Variants in FYCO1 observed in about 807,000 individuals in gnomAD.
FYCO1 encodes FYVE and coiled-coil domain-containing protein 1.
In FYCO1, 122 loss-of-function variants were observed where a neutral mutation model predicts 165.1. The observed-to-expected ratio is 0.74, with a 90% confidence interval of 0.64 to 0.86. FYCO1 has a LOEUF of 0.86. Ranked by LOEUF, FYCO1 falls within the 40% of genes least tolerant of loss-of-function variation. The pLI is 0.00. For synonymous variants in FYCO1, 648 were observed against 742.5 expected, an observed-to-expected ratio of 0.87 and a Z score of 2.07; for missense variants, 1,702 against 1,810.3, an observed-to-expected ratio of 0.94 and a Z score of 1.09.
Position 45,967,106 on chromosome 3 carries a change from A to C in FYCO1, c.2228T>G (p.Leu743Arg), listed in dbSNP as rs1179212976. The C allele has an allele frequency of 6.2e-7, 1 of 1,613,870 alleles. No homozygotes were observed. The change falls in exon 8 of 18, where the codon CTG (leucine) becomes CGG (arginine). Residue 743 changes from leucine (L) to arginine (R), a missense_variant. Coordinates refer to ENST00000296137, the MANE Select transcript of FYCO1 (RefSeq NM_024513.4). ...LESQCQQQTQLIEVLTAEKGQ... is the reference protein window; with the variant it reads ...LESQCQQQTQRIEVLTAEKGQ... ...TTTCTCTGCTGTGAGGACCTCAATC[A>C]GCTGGGTCTGCTGCTGGCACTGGCT...
At chr3:45,989,085 G>C (rs1044069826) in intron 1 of FYCO1, among the ~76,000 whole-genome samples, 3 of 152,176 alleles carry the variant, frequency 2.0e-5, no homozygotes, top group African/African-American at 7.2e-5. Context: ...CATCAGGGGA[G>C]GAGGAGGTTG....
At chr3:45,932,630 G>T (rs1384216986) in intron 15 of FYCO1, among the ~76,000 whole-genome samples, 1 of 152,186 alleles carries the variant, frequency 6.6e-6, no homozygotes, top group Admixed American at 6.5e-5. Flanking sequence ...GCAGCAAGTG[G>T]TGGTGCTGAG....
intron 13 of FYCO1, 79 bp downstream of exon 13, chr3:45,958,329 G>C (rs1418451305): frequency 7.8e-7 from 1 of 1,274,900 alleles, no homozygotes; most frequent in Non-Finnish European, 1.1e-6. Context: ...CAGCTTATTA[G>C]CACTAACTAG....
At position 45,968,699 on chromosome 3, in the gene FYCO1, T is replaced by G. The variant is rs1575373100; in HGVS notation, c.635A>C (p.Gln212Pro). The G allele has an allele frequency of 6.2e-7, 1 of 1,614,164 alleles. No individual in the cohort carries two copies. The highest frequency in any genetic ancestry group is 8.5e-7 in the Non-Finnish European group (1 of 1,180,022). The stretch of plus-strand genomic sequence containing the variant: ...CAGGTCAAAGTTGGACACCATCTCT[T>G]GAGTCTGGGAGGGAAAACACAAAAG... ...SSLVSSYLQT[Q>P]EMVSNFDLNS... The change falls in exon 8 of 18, where the codon CAA (glutamine) becomes CCA (proline). Residue 212 changes from glutamine to proline, a missense_variant. Transcript: ENST00000296137.
rs1372863354 is a variant in FYCO1 at position 45,958,496 on chromosome 3, A to G, written c.3711T>C (p.Pro1237=). 1 of 1,614,144 alleles carries G rather than the reference A, an allele frequency of 6.2e-7. No individual in the cohort carries two copies. The highest frequency in any genetic ancestry group is 8.5e-7 in the Non-Finnish European group (1 of 1,180,036). Reference sequence around the variant, plus strand: ...GGCTAGTGCCTGAGCCACTGCTATCAGGGGAGCCAGGGCCTTCACTGAGCT... The same window carrying G: ...GGCTAGTGCCTGAGCCACTGCTATCGGGGGAGCCAGGGCCTTCACTGAGCT... The part of the protein sequence containing the change: ...FQKLSEGPGS[P]DSSGSGTSQG... The change falls in exon 13 of 18, where the codon CCT becomes CCC. Residue 1237 remains proline, a synonymous_variant. Transcript: ENST00000296137.
rs1383848874 is a variant in FYCO1, at chr3:45,967,979, A to G, written c.1355T>C (p.Met452Thr). ...AGACAACTCCTCCTGGAGTGGGGCCATCTCCTTCACCAGGCGCTCCAGGCT... is the reference window on the plus strand; with the variant it reads ...AGACAACTCCTCCTGGAGTGGGGCCGTCTCCTTCACCAGGCGCTCCAGGCT... Reference protein sequence around the residue: ...RASLERLVKEMAPLQEELSGK... With the variant: ...RASLERLVKETAPLQEELSGK... Residue 452 changes from methionine to threonine, a missense_variant, in exon 8 of 18, where the codon ATG (methionine) becomes ACG (threonine). Transcript: ENST00000296137. 1.9e-6 allele frequency: 3 copies of G among 1,613,974 alleles called. No individual in the cohort carries two copies. In the South Asian group the frequency reaches 3.3e-5, roughly 18 times the overall value.
chr3:45,919,977 T>C lies in FYCO1; in HGVS notation c.*1788A>G, dbSNP rs1703035421. The C allele has an allele frequency of 6.6e-6, 1 of 152,276 alleles. No individual in the cohort carries two copies. The highest frequency in any genetic ancestry group is 1.5e-5 in the Non-Finnish European group (1 of 68,060). 9.4% of individuals were successfully genotyped at this position (152,276 alleles called of 1,614,324 possible). The stretch of plus-strand genomic sequence containing the variant: ...AAGATGATTGAGCACCTGATGGCTT[T>C]CTGCCAGAAGAGGCTGCTCCAAGGA... On this transcript the variant is annotated 3_prime_UTR_variant, in exon 18 of 18. Transcript: ENST00000296137.
Position 45,967,044 on chromosome 3 carries a change from C to T in FYCO1, c.2290G>A (p.Ala764Thr), listed in dbSNP as rs148946276. ...GCTAGCTGGGCAGCCAGCTCACGGG[C>T]TTCATTGTCAGTGGGTGGGCCAACT... is the stretch of plus-strand genomic sequence containing the variant. ...QGVGPPTDNE[A>T]RELAAQLALS... is the part of the protein sequence containing the mutation. Residue 764 changes from alanine to threonine, a missense_variant, in exon 8 of 18, where the codon GCC becomes ACC. Transcript: ENST00000296137. The T allele has an allele frequency of 3.2e-5, 52 of 1,613,472 alleles. No individual in the cohort carries two copies. Among genetic ancestry groups the T allele is most frequent in the Non-Finnish European group, 4.1e-5 (48 of 1,180,046 alleles).
At chr3:45,926,358 T>C (rs1322112384) in intron 16 of FYCO1, among the ~76,000 whole-genome samples, 1 of 152,216 alleles carries the variant, frequency 6.6e-6, no homozygotes, top group Non-Finnish European at 1.5e-5. Context: ...AGAATGCTGG[T>C]TTGACTGTAT....
intron 13 of FYCO1, among the ~76,000 whole-genome samples, chr3:45,957,540 C>G (rs1705412159): frequency 6.6e-6 from 1 of 152,156 alleles, no homozygotes; most frequent in Non-Finnish European, 1.5e-5. Context: ...AGAGAATATA[C>G]AGAGGACTCT....
intron 3 of FYCO1, 110 bp from the exon 4 acceptor site, chr3:45,979,940 G>A: frequency 7.7e-7 from 1 of 1,305,798 alleles, no homozygotes; most frequent in East Asian, 2.3e-5. Context: ...ACTGGGTGAG[G>A]CCCTTTATTG....
At chr3:45,930,607 G>T (rs1703543663) in intron 16 of FYCO1, among the ~76,000 whole-genome samples, 2 of 152,318 alleles carry the variant, frequency 1.3e-5, no homozygotes, top group East Asian at 1.9e-4. Context: ...CTGCCACCAA[G>T]ATTTCAAGCT....
intron 14 of FYCO1, among the ~76,000 whole-genome samples, chr3:45,951,875 A>T (rs948002151): frequency 3.3e-5 from 5 of 152,122 alleles, no homozygotes; most frequent in Non-Finnish European, 1.5e-5. Context: ...TGCCAGGAGG[A>T]GGGGCAAGGC....
intron 5 of FYCO1, among the ~76,000 whole-genome samples, chr3:45,974,201 A>C (rs2125860567): frequency 6.6e-6 from 1 of 152,342 alleles, no homozygotes; most frequent in Non-Finnish European, 1.5e-5. Flanking sequence ...CAACATAGTG[A>C]GACCCTGTCT....
At chr3:45,933,941 T>TA (rs747796455) in intron 15 of FYCO1, among the ~76,000 whole-genome samples, 16 of 151,708 alleles carry the variant, frequency 1.1e-4, no homozygotes, top group African/African-American at 3.4e-4. Flanking sequence ...ACAGAAGATA[T>TA]AAAAAAGTAC....
At chr3:45,960,714 GC>G (rs1705655653) in intron 11 of FYCO1, among the ~76,000 whole-genome samples, 1 of 152,168 alleles carries the variant, frequency 6.6e-6, no homozygotes, top group African/African-American at 2.4e-5. Flanking sequence ...CCATGGTGCT[GC>G]TAACATCACA....
intron 11 of FYCO1, among the ~76,000 whole-genome samples, chr3:45,960,156 G>A (rs1705604091): frequency 6.6e-6 from 1 of 152,202 alleles, no homozygotes; most frequent in Non-Finnish European, 1.5e-5. Context: ...ATGCACTGGA[G>A]GGGGAGGATG....
At chr3:45,923,002 C>T (rs1343078994) in intron 17 of FYCO1, among the ~76,000 whole-genome samples, 1 of 152,204 alleles carries the variant, frequency 6.6e-6, no homozygotes, top group Non-Finnish European at 1.5e-5. Flanking sequence ...TCAGTCAATG[C>T]TGGTCCTGTC....
Position 45,962,641 on chromosome 3 carries a change from A to T in FYCO1, c.3270-249T>A, listed in dbSNP as rs1705771253. On this transcript the variant is annotated intron_variant, in intron 10 of 17. Coordinates refer to ENST00000296137, the MANE Select transcript of FYCO1 (RefSeq NM_024513.4). This position sits in a 1 kb window ranked among gnomAD's most constrained non-coding sequence, Gnocchi z 4.4. ...GCCAGAAGCACCCTAAGTGAATAGAACTCTGCACCCCTTGGCTCCTGGACA... is the reference window on the plus strand; with the variant it reads ...GCCAGAAGCACCCTAAGTGAATAGATCTCTGCACCCCTTGGCTCCTGGACA... Among the ~76,000 whole-genome samples the T allele has an allele frequency of 6.6e-6, 1 of 151,952 alleles. No individual in the cohort carries two copies. The highest frequency in any genetic ancestry group is 2.4e-5 in the African/African-American group (1 of 41,354).
Sources: allele counts gnomAD v4.1 joint callset (sites outside exome capture counted in the v4.1 genomes callset), GRCh38; gene constraint gnomAD v4.1.1; non-coding constraint Gnocchi (gnomAD v3.1); transcripts MANE v1.5; gene names NCBI Gene and HGNC (gene_info 2026-07-23, HGNC 2026-07-21).